The following EPHA5 variants were observed in gnomAD, a reference collection of about 807,000 sequenced individuals.
EPHA5 encodes EPH receptor A5.
In EPHA5, 60 loss-of-function variants were observed where a neutral mutation model predicts 105.0. That is an observed-to-expected ratio of 0.57 (90% CI 0.46 to 0.71). The LOEUF is 0.71. EPHA5 is among the 30% of genes least tolerant of loss of function. The probability of loss-of-function intolerance (pLI) is 0.00; values close to 1 mark genes in which losing one functional copy is unlikely to be tolerated. For synonymous variants in EPHA5, 513 were observed against 449.1 expected (o/e 1.14, Z -1.80); for missense variants, 1,218 against 1,274.7 (o/e 0.96, Z 0.68).
chr4:65,357,061 A>G (rs1723368692), intron 11 of EPHA5, among the ~76,000 whole-genome samples: 1 of 151,498 alleles, frequency 6.6e-6, no homozygotes, highest in South Asian at 2.1e-4. Flanking sequence ...TATATTATTT[A>G]CTGAAGGCCC....
At chr4:65,418,618 C>T (rs1723620666) in intron 6 of EPHA5, among the ~76,000 whole-genome samples, 1 of 151,990 alleles carries the variant, frequency 6.6e-6, no homozygotes, top group Admixed American at 6.6e-5. Context: ...TAAGACATTC[C>T]TAGAAAGATG....
chr4:65,434,003 C>T (rs1032862984), intron 5 of EPHA5, among the ~76,000 whole-genome samples: 1 of 151,934 alleles, frequency 6.6e-6, no homozygotes, highest in Non-Finnish European at 1.5e-5. Context: ...TGCAGTGAGC[C>T]GAAATCGTGC....
At chr4:65,373,914 A>G (rs2148911930) in intron 8 of EPHA5, among the ~76,000 whole-genome samples, 1 of 146,912 alleles carries the variant, frequency 6.8e-6, no homozygotes, top group South Asian at 2.3e-4. Flanking sequence ...AAGAAATGCA[A>G]GAAATGGCTA....
intron 3 of EPHA5, among the ~76,000 whole-genome samples, chr4:65,521,607 C>T (rs546183838): frequency 9.9e-5 from 15 of 151,894 alleles, no homozygotes; most frequent in Admixed American, 5.3e-4. Flanking sequence ...CTAATATTTA[C>T]GTCTACTTTT....
At chr4:65,512,725 A>G (rs1312922737) in intron 3 of EPHA5, among the ~76,000 whole-genome samples, 5 of 152,076 alleles carry the variant, frequency 3.3e-5, no homozygotes, top group African/African-American at 9.7e-5. Context: ...TTGTAAATTT[A>G]CCCAGTCTCA....
At chr4:65,441,733 T>C (rs981800115) in intron 5 of EPHA5, among the ~76,000 whole-genome samples, 1 of 151,994 alleles carries the variant, frequency 6.6e-6, no homozygotes, top group African/African-American at 2.4e-5. Flanking sequence ...TAAAACATAT[T>C]AATAAAAAAA....
chr4:65,324,510 A>G (rs999666826), intron 16 of EPHA5, among the ~76,000 whole-genome samples: 1 of 151,334 alleles, frequency 6.6e-6, no homozygotes, highest in African/African-American at 2.4e-5. Flanking sequence ...GCACATTATT[A>G]CCAATAAAGA....
At chr4:65,388,431 C>T (rs1222592806) in intron 8 of EPHA5, among the ~76,000 whole-genome samples, 2 of 150,856 alleles carry the variant, frequency 1.3e-5, no homozygotes, top group Non-Finnish European at 3.0e-5. Context: ...TACAGTCCCA[C>T]CAACAGTGTA....
chr4:65,494,760 CA>C (rs920791613), intron 4 of EPHA5, among the ~76,000 whole-genome samples: 4 of 152,138 alleles, frequency 2.6e-5, no homozygotes, highest in African/African-American at 9.6e-5. Flanking sequence ...AGAACCCTAG[CA>C]AAAAAATTGG....
At chr4:65,576,149 G>T (rs1325535899) in intron 3 of EPHA5, among the ~76,000 whole-genome samples, 1 of 129,924 alleles carries the variant, frequency 7.7e-6, no homozygotes, top group Non-Finnish European at 1.7e-5. Flanking sequence ...GAAAGAAAAA[G>T]AAAGAGAGAG....
At chr4:65,364,797 T>G (rs2148887059) in intron 11 of EPHA5, among the ~76,000 whole-genome samples, 1 of 151,674 alleles carries the variant, frequency 6.6e-6, no homozygotes, top group South Asian at 2.1e-4. Context: ...TGACATTGAA[T>G]TCATAGCAAA....
At chr4:65,637,082 C>T (rs1236748209) in intron 2 of EPHA5, among the ~76,000 whole-genome samples, 1 of 152,024 alleles carries the variant, frequency 6.6e-6, no homozygotes, top group Admixed American at 6.6e-5. Context: ...AATATACACA[C>T]ACAAACACAC....
At chr4:65,365,637 A>G (rs1467131295) in intron 10 of EPHA5, among the ~76,000 whole-genome samples, 1 of 125,452 alleles carries the variant, frequency 8.0e-6, no homozygotes, top group Non-Finnish European at 1.7e-5. Context: ...ACTTTTGGGT[A>G]TTACAAATTC....
intron 2 of EPHA5, among the ~76,000 whole-genome samples, chr4:65,611,707 T>TA (rs928579331): frequency 1.2e-4 from 19 of 152,054 alleles, no homozygotes; most frequent in Non-Finnish European, 2.4e-4. Context: ...ACAGCACCCA[T>TA]AAATCAATTC....
At chr4:65,350,241 G>A (rs1722688171) in intron 13 of EPHA5, among the ~76,000 whole-genome samples, 1 of 152,084 alleles carries the variant, frequency 6.6e-6, no homozygotes, top group Admixed American at 6.6e-5. Flanking sequence ...AGGTCTGGAA[G>A]AGGAAGGATA....
At chr4:65,425,309 G>A (rs1314269791) in intron 5 of EPHA5, among the ~76,000 whole-genome samples, 1 of 152,074 alleles carries the variant, frequency 6.6e-6, no homozygotes. Context: ...TTGGCCAAAT[G>A]AACTGTCAGT....
intron 2 of EPHA5, among the ~76,000 whole-genome samples, chr4:65,624,102 T>C (rs1256260756): frequency 6.6e-6 from 1 of 152,096 alleles, no homozygotes; most frequent in East Asian, 1.9e-4. Context: ...CTATTACCAA[T>C]TATGATACAG....
chr4:65,519,605 C>T (rs944002376), intron 3 of EPHA5, among the ~76,000 whole-genome samples: 23 of 152,134 alleles, frequency 1.5e-4, no homozygotes, highest in African/African-American at 5.3e-4. Context: ...TTGCAGATGA[C>T]ATGTTTGTAT....
chr4:65,540,868 A>T (rs1277951785), intron 3 of EPHA5, among the ~76,000 whole-genome samples: 4 of 148,704 alleles, frequency 2.7e-5, no homozygotes, highest in South Asian at 4.2e-4. Context: ...AATTTTATAA[A>T]AAAAAAAAAA....
Sources: gnomAD v4.1 joint callset for allele counts (sites outside exome capture counted in the v4.1 genomes callset) on GRCh38, gnomAD v4.1.1 for gene constraint, MANE v1.5 for transcripts, NCBI Gene and HGNC (gene_info 2026-07-23, HGNC 2026-07-21) for gene names.